The following ADAMTS2 variants were observed in gnomAD, a reference collection of about 807,000 sequenced individuals.
ADAMTS2 encodes the protein A disintegrin and metalloproteinase with thrombospondin motifs 2.
ADAMTS2 carries 50 observed loss-of-function variants against 123.0 expected under a neutral mutation model. That is an observed-to-expected ratio of 0.41 (90% confidence interval 0.32 to 0.51). The LOEUF is 0.51. Among genes scored for constraint, ADAMTS2 ranks in the 20% least tolerant of loss-of-function variants. ADAMTS2 has a pLI of 0.35. For synonymous variants in ADAMTS2, 678 were observed against 695.4 expected (o/e 0.98, Z 0.39); for missense variants, 1,494 against 1,705.2 (o/e 0.88, Z 2.18).
At position 179,242,455 on chromosome 5, in the gene ADAMTS2, GC is replaced by G. The variant is rs1765691379; in HGVS notation, c.688+30455del. Among the ~76,000 whole-genome samples the G allele has an allele frequency of 6.6e-6, 1 of 152,280 alleles. No homozygotes were observed. Among genetic ancestry groups the G allele is most frequent in the East Asian group, 1.9e-4 (1 of 5,186 alleles). On this transcript the variant is annotated intron_variant, in intron 3 of 21. Transcript: ENST00000251582. The surrounding 1 kb of genome is among the most constrained non-coding windows in gnomAD (Gnocchi z 4.2). The stretch of plus-strand genomic sequence containing the variant: ...CACTTCTGGAATGGTGGTGAGAGGA[GC>G]CCCATGGACACATTCCCCTCAGAAC...
At chr5:179,259,598 G>A (rs188859428) in intron 3 of ADAMTS2, among the ~76,000 whole-genome samples, 3 of 152,242 alleles carry the variant, frequency 2.0e-5, no homozygotes, top group East Asian at 1.9e-4. Context: ...TGGGATTCAC[G>A]CATTGCTGCC....
chr5:179,152,251 C>G lies in ADAMTS2; in HGVS notation c.1520G>C (p.Arg507Pro). ...GLGYMMCTAF[R>P]TFDPCKQLWC... The stretch of plus-strand genomic sequence containing the variant: ...CAGCTGCTTGCAGGGGTCAAAGGTC[C>G]GGAACTGGAAGACAGCACCATAGCT... The change falls in exon 10 of 22, where the codon CGG becomes CCG. Residue 507 changes from arginine to proline, a missense_variant. Coordinates refer to ENST00000251582, the MANE Select transcript of ADAMTS2 (RefSeq NM_014244.5). 6.2e-7 allele frequency: 1 copy of G among 1,613,908 alleles called. No individual in the cohort carries two copies. The highest frequency in any genetic ancestry group is 8.5e-7 in the Non-Finnish European group (1 of 1,179,862).
At chr5:179,310,118 C>T (rs1240015806) in intron 2 of ADAMTS2, among the ~76,000 whole-genome samples, 1 of 152,236 alleles carries the variant, frequency 6.6e-6, no homozygotes. Context: ...CCAGGAGAGA[C>T]CACCCCGGAC....
At chr5:179,221,945 C>T (rs1216288626) in intron 3 of ADAMTS2, among the ~76,000 whole-genome samples, 4 of 152,200 alleles carry the variant, frequency 2.6e-5, no homozygotes, top group African/African-American at 9.6e-5. Flanking sequence ...GTCCTTCACG[C>T]CTGGCTGTGG....
intron 3 of ADAMTS2, among the ~76,000 whole-genome samples, chr5:179,230,590 G>A (rs1561606922): frequency 6.6e-6 from 1 of 152,216 alleles, no homozygotes. Flanking sequence ...TTCTGGGAGC[G>A]TGGATTTGGC....
chr5:179,159,054 A>C (rs1207179902), intron 5 of ADAMTS2, among the ~76,000 whole-genome samples, 175 bp from the exon 6 acceptor site: 1 of 152,242 alleles, frequency 6.6e-6, no homozygotes, highest in East Asian at 1.9e-4. Flanking sequence ...AGTCTTTGAC[A>C]GGGAAGAAAA....
rs982093687 is a variant in ADAMTS2, at chr5:179,130,527, G to T, written c.2291-429C>A. Among the ~76,000 whole-genome samples the T allele has an allele frequency of 8.5e-5, 13 of 152,198 alleles. No individual in the cohort carries two copies. The highest frequency in any genetic ancestry group is 3.1e-4 in the African/African-American group (13 of 41,446). ...CTGCTGGAGTAGGGCTTCCTGCCAT[G>T]GGGTGAGTATATGTCTGGCTGAAAC... On this transcript the variant is annotated intron_variant, in intron 15 of 21. Coordinates refer to ENST00000251582, the MANE Select transcript of ADAMTS2 (RefSeq NM_014244.5). This position sits in a 1 kb window ranked among gnomAD's most constrained non-coding sequence, Gnocchi z 4.3.
At chr5:179,173,377 A>G (rs1763866355) in intron 5 of ADAMTS2, among the ~76,000 whole-genome samples, 1 of 152,186 alleles carries the variant, frequency 6.6e-6, no homozygotes, top group Non-Finnish European at 1.5e-5. Flanking sequence ...TCTTTTTGGT[A>G]AATATATTTG....
chr5:179,158,623 A>T lies in ADAMTS2; in HGVS notation c.1132+100T>A. The stretch of plus-strand genomic sequence containing the variant: ...TGGCCACGGCCTTCCCTGCCCTGAC[A>T]CTCTTCCCTGGGCTGGGCCAAGGCT... On this transcript the variant is annotated intron_variant, in intron 6 of 21. Transcript: ENST00000251582. This position sits in a 1 kb window ranked among gnomAD's most constrained non-coding sequence, Gnocchi z 5.0. The T allele has an allele frequency of 6.5e-7, 1 of 1,546,912 alleles. No individual in the cohort carries two copies. Among genetic ancestry groups the T allele is most frequent in the Non-Finnish European group, 8.9e-7 (1 of 1,126,606 alleles).
At chr5:179,222,664 C>A (rs1196164919) in intron 3 of ADAMTS2, among the ~76,000 whole-genome samples, 1 of 152,226 alleles carries the variant, frequency 6.6e-6, no homozygotes, top group Non-Finnish European at 1.5e-5. Flanking sequence ...AGGTAGCAGC[C>A]AGCGGCAGGC....
chr5:179,182,877 C>G (rs949490268), intron 4 of ADAMTS2, among the ~76,000 whole-genome samples: 26 of 152,238 alleles, frequency 1.7e-4, no homozygotes, highest in African/African-American at 6.3e-4. Flanking sequence ...CCCCAGTGAC[C>G]CATCTCGCCC....
chr5:179,322,729 C>T lies in ADAMTS2; in HGVS notation c.534+21038G>A, dbSNP rs142711471. ...GCAGGCAGGTGGGGCCCAGGCCAGG[C>T]GGGACAGAAACCCAAATGTGGCGAT... On this transcript the variant is annotated intron_variant, in intron 2 of 21. Coordinates refer to ENST00000251582, the MANE Select transcript of ADAMTS2 (RefSeq NM_014244.5). Among the ~76,000 whole-genome samples the T allele has an allele frequency of 9.9e-4, 151 of 152,312 alleles. 5 individuals are homozygous for T. In the East Asian group the frequency reaches 0.022, roughly 23 times the overall value.
At chr5:179,343,723 G>A in intron 2 of ADAMTS2, 44 bp downstream of exon 2, 1 of 1,594,118 alleles carries the variant, frequency 6.3e-7, no homozygotes, top group Non-Finnish European at 8.5e-7. Flanking sequence ...CAAAACCCAG[G>A]CGAGAGCAGC....
intron 3 of ADAMTS2, among the ~76,000 whole-genome samples, chr5:179,223,379 CACACGAATGCACTCACACACACGCAT>C (rs1765177708): frequency 1.6e-5 from 2 of 123,514 alleles, no homozygotes; most frequent in African/African-American, 3.1e-5. Flanking sequence ...CAAACACGCA[CACACGAATGCACTCACACACACGCAT>C]GCAGTCACAT....
In ADAMTS2 at chr5:179,207,696, C is replaced by T. The variant is rs781247753; in HGVS notation, c.708G>A (p.Leu236=). 10 of 1,611,458 alleles carry T rather than the reference C, an allele frequency of 6.2e-6. No homozygotes were observed. The highest frequency in any genetic ancestry group is 8.5e-6 in the Non-Finnish European group (10 of 1,179,670). Residue 236 remains leucine (L), a synonymous_variant, in exon 4 of 22, where the codon CTG becomes CTA. Coordinates refer to ENST00000251582, the MANE Select transcript of ADAMTS2 (RefSeq NM_014244.5). ...ALDTGASLDS[L]DSLSRALGVL... Reference sequence around the variant, plus strand: ...CGCCCAGGGCGCGGCTGAGGCTGTCCAGGCTGTCCAGGGAGGCCCCTGCAA... The same window carrying T: ...CGCCCAGGGCGCGGCTGAGGCTGTCTAGGCTGTCCAGGGAGGCCCCTGCAA...
chr5:179,253,718 G>A (rs1468127018), intron 3 of ADAMTS2, among the ~76,000 whole-genome samples: 2 of 151,648 alleles, frequency 1.3e-5, no homozygotes, highest in Non-Finnish European at 2.9e-5. Flanking sequence ...CAGCCAGGCT[G>A]CAACCCTGGG....
rs564153993 is a variant in ADAMTS2 at position 179,129,742 on chromosome 5, G to A, written c.2457+190C>T. On this transcript the variant is annotated intron_variant, in intron 16 of 21. Coordinates refer to ENST00000251582, the MANE Select transcript of ADAMTS2 (RefSeq NM_014244.5). The surrounding 1 kb of genome is among the most constrained non-coding windows in gnomAD (Gnocchi z 4.1). ...ACCTAGGGGTCATGTGGGGTCCAGAGCCCCGGCTCGTGGATGCATGTCCCT... is the reference window on the plus strand; with the variant it reads ...ACCTAGGGGTCATGTGGGGTCCAGAACCCCGGCTCGTGGATGCATGTCCCT... Among the ~76,000 whole-genome samples the A allele has an allele frequency of 6.6e-5, 10 of 152,328 alleles. No individual in the cohort carries two copies. The highest frequency in any genetic ancestry group is 2.4e-4 in the African/African-American group (10 of 41,586).
chr5:179,130,183 G>A lies in ADAMTS2; in HGVS notation c.2291-85C>T. ...CTGGTTTGGGCTGGTCGGGGAGTGG[G>A]GGCAGCTAGCTGGACCCCTTGTCTC... On this transcript the variant is annotated intron_variant, in intron 15 of 21. Coordinates refer to ENST00000251582, the MANE Select transcript of ADAMTS2 (RefSeq NM_014244.5). This position sits in a 1 kb window ranked among gnomAD's most constrained non-coding sequence, Gnocchi z 4.3. The A allele has an allele frequency of 6.4e-7, 1 of 1,558,278 alleles. No individual in the cohort carries two copies. Among genetic ancestry groups the A allele is most frequent in the Non-Finnish European group, 8.8e-7 (1 of 1,136,354 alleles).
intron 2 of ADAMTS2, among the ~76,000 whole-genome samples, chr5:179,296,683 G>A (rs1321664880): frequency 6.6e-6 from 1 of 152,126 alleles, no homozygotes; most frequent in East Asian, 1.9e-4. Context: ...GGAGGGAGAG[G>A]CGGCGGGCAG....
Sources: allele counts gnomAD v4.1 joint callset (sites outside exome capture counted in the v4.1 genomes callset), GRCh38; gene constraint gnomAD v4.1.1; non-coding constraint Gnocchi (gnomAD v3.1); transcripts MANE v1.5; gene names NCBI Gene and HGNC (gene_info 2026-07-23, HGNC 2026-07-21).